NRXN3: variants seen among roughly 807,000 people sequenced by gnomAD.
NRXN3 encodes the protein neurexin III.
In NRXN3, 32 loss-of-function variants were observed where a neutral mutation model predicts 137.6. The ratio of observed to expected loss-of-function variants is 0.23; its 90% confidence interval spans 0.18 to 0.31. The LOEUF is 0.31. Among genes scored for constraint, NRXN3 ranks in the 10% least tolerant of loss-of-function variants. The pLI, the probability that NRXN3 is intolerant of heterozygous loss-of-function variation, is 1.00. For synonymous variants in NRXN3, 798 were observed against 784.5 expected (o/e 1.02, Z -0.29); for missense variants, 1,574 against 2,062.5 (o/e 0.76, Z 4.59).
intron 15 of NRXN3, among the ~76,000 whole-genome samples, chr14:79,341,064 T>C (rs567882303): frequency 6.6e-6 from 1 of 152,282 alleles, no homozygotes; most frequent in Admixed American, 6.5e-5. Flanking sequence ...TCAATGTAGG[T>C]CTCTGTACAG....
intron 4 of NRXN3, among the ~76,000 whole-genome samples, chr14:78,397,135 T>C (rs2091542022): frequency 6.6e-6 from 1 of 152,240 alleles, no homozygotes; most frequent in Non-Finnish European, 1.5e-5. Context: ...TGTGCCATCA[T>C]GTGGATTTAA....
intron 10 of NRXN3, among the ~76,000 whole-genome samples, chr14:78,827,882 A>T (rs543841238): frequency 2.0e-5 from 3 of 152,344 alleles, no homozygotes; most frequent in South Asian, 2.1e-4. Flanking sequence ...TACTTACAGA[A>T]CACTTTGTTC....
At chr14:79,457,950 A>G (rs1013769632) in intron 15 of NRXN3, among the ~76,000 whole-genome samples, 1 of 152,190 alleles carries the variant, frequency 6.6e-6, no homozygotes. Context: ...ATAAAATGCT[A>G]CAGAAAAGGC....
At chr14:79,510,371 TCATGAAAAGAG>T (rs2096921148) in intron 16 of NRXN3, among the ~76,000 whole-genome samples, 1 of 152,138 alleles carries the variant, frequency 6.6e-6, no homozygotes, top group Non-Finnish European at 1.5e-5. Flanking sequence ...ATTGATAGGC[TCATGAAAAGAG>T]CATGGGTAGA....
chr14:78,609,395 G>C (rs775908124), intron 4 of NRXN3, among the ~76,000 whole-genome samples: 4 of 152,206 alleles, frequency 2.6e-5, no homozygotes, highest in African/African-American at 9.7e-5. Flanking sequence ...TTAGGAGGAT[G>C]ATGGAGAAAC....
intron 8 of NRXN3, among the ~76,000 whole-genome samples, chr14:78,751,526 C>T (rs1169516768): frequency 4.6e-5 from 7 of 152,070 alleles, no homozygotes; most frequent in South Asian, 2.1e-4. Flanking sequence ...GTACAGCTAG[C>T]GCTAATCTAA....
At chr14:78,185,715 G>C (rs575510094) in intron 1 of NRXN3, among the ~76,000 whole-genome samples, 3 of 152,272 alleles carry the variant, frequency 2.0e-5, no homozygotes, top group Admixed American at 6.5e-5. Flanking sequence ...TGCAGCTTGA[G>C]AGCTCACACC....
At chr14:79,295,094 C>T (rs2083838881) in intron 15 of NRXN3, among the ~76,000 whole-genome samples, 1 of 152,128 alleles carries the variant, frequency 6.6e-6, no homozygotes, top group Admixed American at 6.5e-5. Context: ...GGCCCCTTAT[C>T]TTTATGATCT....
intron 10 of NRXN3, among the ~76,000 whole-genome samples, chr14:78,896,923 G>C (rs776623375): frequency 2.0e-5 from 3 of 151,784 alleles, no homozygotes; most frequent in Admixed American, 6.6e-5. Context: ...GGTAAGCAGT[G>C]GGTAACCATT....
intron 19 of NRXN3, among the ~76,000 whole-genome samples, chr14:79,792,535 A>C (rs539494068): frequency 9.8e-5 from 15 of 152,390 alleles, no homozygotes; most frequent in Admixed American, 2.0e-4. Context: ...ACAAGAAAAA[A>C]GAATCTAGAA....
intron 8 of NRXN3, among the ~76,000 whole-genome samples, chr14:78,780,944 CACTT>C (rs1235195246): frequency 5.9e-5 from 9 of 152,074 alleles, no homozygotes; most frequent in Admixed American, 5.9e-4. Context: ...TTTATGTAAA[CACTT>C]AAGGGAAACT....
At chr14:79,129,602 G>A (rs1378416797) in intron 15 of NRXN3, among the ~76,000 whole-genome samples, 3 of 135,032 alleles carry the variant, frequency 2.2e-5, no homozygotes, top group Non-Finnish European at 4.7e-5. Context: ...TTCCAAGTAT[G>A]TGGTCAATTT....
At chr14:79,386,837 A>G (rs1279103938) in intron 15 of NRXN3, among the ~76,000 whole-genome samples, 2 of 152,242 alleles carry the variant, frequency 1.3e-5, no homozygotes, top group Non-Finnish European at 2.9e-5. Context: ...ACCTGAGAAA[A>G]ACAAGCAATG....
intron 10 of NRXN3, among the ~76,000 whole-genome samples, chr14:78,878,186 G>A (rs766820470): frequency 6.6e-6 from 1 of 152,090 alleles, no homozygotes; most frequent in Non-Finnish European, 1.5e-5. Context: ...ACAAGTAATT[G>A]GGCATGTCGT....
intron 8 of NRXN3, among the ~76,000 whole-genome samples, chr14:78,802,526 A>G: frequency 6.6e-6 from 1 of 152,244 alleles, no homozygotes; most frequent in Non-Finnish European, 1.5e-5. Context: ...TAAAACTTAA[A>G]GTATAATAAT....
intron 1 of NRXN3, among the ~76,000 whole-genome samples, chr14:78,205,065 G>A (rs1368653617): frequency 1.3e-5 from 2 of 152,188 alleles, no homozygotes; most frequent in African/African-American, 2.4e-5. Context: ...CTATTTAGGT[G>A]CCCGCTGCCC....
chr14:78,839,501 C>G (rs2099006072), intron 10 of NRXN3, among the ~76,000 whole-genome samples: 1 of 152,224 alleles, frequency 6.6e-6, no homozygotes, highest in South Asian at 2.1e-4. Context: ...TGTCCAAGCT[C>G]TTCAGCTGAG....
intron 4 of NRXN3, among the ~76,000 whole-genome samples, chr14:78,632,212 G>T (rs993810698): frequency 4.6e-5 from 7 of 151,470 alleles, no homozygotes; most frequent in African/African-American, 1.7e-4. Flanking sequence ...CAATTCCCAT[G>T]ATTTTTTTCC....
At chr14:78,376,530 A>T (rs187807597) in intron 4 of NRXN3, among the ~76,000 whole-genome samples, 1 of 152,328 alleles carries the variant, frequency 6.6e-6, no homozygotes. Flanking sequence ...AGACTCTGAA[A>T]CATGAGAGGG....
Sources: allele counts gnomAD v4.1 joint callset (sites outside exome capture counted in the v4.1 genomes callset), GRCh38; gene constraint gnomAD v4.1.1; transcripts MANE v1.5; gene names NCBI Gene and HGNC (gene_info 2026-07-23, HGNC 2026-07-21).